Variants in RALGAPA2 observed in about 807,000 individuals in gnomAD.
The protein encoded by RALGAPA2 is Ral GTPase activating protein catalytic subunit alpha 2, also known as ral GTPase-activating protein subunit alpha-2.
Under a neutral mutation model 230.4 loss-of-function variants are expected in RALGAPA2, and 139 were observed. The ratio of observed to expected loss-of-function variants is 0.60; its 90% CI spans 0.53 to 0.69. RALGAPA2 has a LOEUF of 0.69. Among genes scored for constraint, RALGAPA2 ranks in the 30% least tolerant of loss-of-function variants. The pLI is 0.00. For missense variants in RALGAPA2, 2,163 were observed against 2,276.0 expected (o/e 0.95, Z 1.01); for synonymous variants, 847 against 837.8 (o/e 1.01, Z -0.19).
Position 20,689,564 on chromosome 20 carries a change from C to T in RALGAPA2, c.107-8763G>A, listed in dbSNP as rs957479327. ...GGCTGAGGCAGGAGAATCACTTGAA[C>T]CCGGGAGGCGGAGGTTGCAGTGAGC... On this transcript the variant is annotated intron_variant, in intron 1 of 39. Coordinates refer to ENST00000202677, the MANE Select transcript of RALGAPA2 (RefSeq NM_020343.4). Among the ~76,000 whole-genome samples the T allele has an allele frequency of 2.6e-5, 4 of 152,228 alleles. No homozygotes were observed. The South Asian group carries it at 6.2e-4, about 24-fold the overall frequency.
At chr20:20,416,388 G>C (rs2060165667) in intron 37 of RALGAPA2, among the ~76,000 whole-genome samples, 2 of 152,160 alleles carry the variant, frequency 1.3e-5, no homozygotes, top group African/African-American at 2.4e-5. Context: ...CAGGTAATGA[G>C]AGCTCAGAGA....
At chr20:20,572,686 GAAATA>G (rs2064684467) in intron 21 of RALGAPA2, among the ~76,000 whole-genome samples, 184 bp downstream of exon 21, 4 of 152,022 alleles carry the variant, frequency 2.6e-5, no homozygotes, top group Admixed American at 2.6e-4. Flanking sequence ...TGCACTAAAT[GAAATA>G]ACTTTTGCAT....
At chr20:20,530,329 G>A (rs866559777) in intron 27 of RALGAPA2, among the ~76,000 whole-genome samples, 1 of 152,186 alleles carries the variant, frequency 6.6e-6, no homozygotes. Flanking sequence ...GTGATATTTT[G>A]GTTGGATAAT....
intron 38 of RALGAPA2, among the ~76,000 whole-genome samples, chr20:20,410,409 A>G (rs1407369141): frequency 6.6e-6 from 1 of 152,214 alleles, no homozygotes; most frequent in East Asian, 1.9e-4. Flanking sequence ...TAAGAAGTAA[A>G]AAGCTTTCTC....
chr20:20,650,167 A>C (rs1186738407), intron 4 of RALGAPA2, among the ~76,000 whole-genome samples: 1 of 152,178 alleles, frequency 6.6e-6, no homozygotes, highest in Non-Finnish European at 1.5e-5. Context: ...ACGAGTTCAA[A>C]TATGTTTCCT....
intron 30 of RALGAPA2, among the ~76,000 whole-genome samples, chr20:20,524,029 T>C (rs2063121718): frequency 6.6e-6 from 1 of 152,124 alleles, no homozygotes; most frequent in Non-Finnish European, 1.5e-5. Flanking sequence ...AGATCTCGGC[T>C]CACTGCAAAC....
At chr20:20,687,523 C>A (rs1213717164) in intron 1 of RALGAPA2, among the ~76,000 whole-genome samples, 2 of 151,820 alleles carry the variant, frequency 1.3e-5, no homozygotes, top group Non-Finnish European at 2.9e-5. Context: ...CAAGTAGTTG[C>A]TGATCCAAGC....
In RALGAPA2 at chr20:20,619,237, A is replaced by G. The variant is rs372552337; in HGVS notation, c.1539+40T>C. 2.5e-5 allele frequency: 38 copies of G among 1,540,622 alleles called. No homozygotes were observed. In the African/African-American group the frequency reaches 5.0e-4, roughly 20 times the overall value. ...AAAAAGACAAAATGGCTCCAGCTGTAGGCGGTGGAGGGGTCTTCATGTCCT... is the reference window on the plus strand; with the variant it reads ...AAAAAGACAAAATGGCTCCAGCTGTGGGCGGTGGAGGGGTCTTCATGTCCT... On this transcript the variant is annotated intron_variant, in intron 12 of 39. Coordinates refer to ENST00000202677, the MANE Select transcript of RALGAPA2 (RefSeq NM_020343.4).
chr20:20,562,800 G>A (rs1465443518), intron 23 of RALGAPA2, among the ~76,000 whole-genome samples: 5 of 152,022 alleles, frequency 3.3e-5, no homozygotes, highest in African/African-American at 1.2e-4. Flanking sequence ...AGTGGGCTCT[G>A]TCTACAGATT....
chr20:20,571,245 A>T (rs953967365), intron 23 of RALGAPA2, among the ~76,000 whole-genome samples: 3 of 152,232 alleles, frequency 2.0e-5, no homozygotes, highest in Admixed American at 2.0e-4. Context: ...GGTTGGCACA[A>T]TGCAAATGCA....
intron 7 of RALGAPA2, among the ~76,000 whole-genome samples, chr20:20,639,299 T>A (rs752128843): frequency 2.0e-5 from 3 of 152,206 alleles, no homozygotes; most frequent in Non-Finnish European, 4.4e-5. Context: ...TATTCAGAAA[T>A]CTAGACCAGG....
intron 1 of RALGAPA2, among the ~76,000 whole-genome samples, chr20:20,694,835 A>T (rs918429146): frequency 6.6e-6 from 1 of 152,238 alleles, no homozygotes; most frequent in Non-Finnish European, 1.5e-5. Flanking sequence ...CCTGGAAAGC[A>T]CGTTCACCGG....
At chr20:20,467,966 T>C (rs147927999) in intron 37 of RALGAPA2, among the ~76,000 whole-genome samples, 3 of 152,350 alleles carry the variant, frequency 2.0e-5, no homozygotes, top group Non-Finnish European at 4.4e-5. Context: ...CTCTTCTTTT[T>C]GTAAGGTGCT....
intron 16 of RALGAPA2, among the ~76,000 whole-genome samples, chr20:20,601,167 G>C (rs916464581): frequency 2.6e-5 from 4 of 152,152 alleles, no homozygotes; most frequent in African/African-American, 7.2e-5. Context: ...TAGCAAAGTA[G>C]TCCAATTAAC....
intron 27 of RALGAPA2, among the ~76,000 whole-genome samples, chr20:20,530,478 T>C (rs1454533546): frequency 1.3e-5 from 2 of 152,080 alleles, no homozygotes; most frequent in Non-Finnish European, 2.9e-5. Context: ...GAGGGTGTAC[T>C]TGGGGAACAG....
intron 1 of RALGAPA2, among the ~76,000 whole-genome samples, chr20:20,692,318 T>G (rs1438210722): frequency 1.3e-5 from 2 of 152,202 alleles, no homozygotes. Flanking sequence ...ATTCAAAAAT[T>G]TATCATAACT....
At chr20:20,621,104 G>A (rs2146350104) in intron 10 of RALGAPA2, among the ~76,000 whole-genome samples, 1 of 150,208 alleles carries the variant, frequency 6.7e-6, no homozygotes, top group East Asian at 2.0e-4. Flanking sequence ...TCGCACCACT[G>A]CACTCCAGCC....
chr20:20,582,838 T>C (rs1416417633), intron 20 of RALGAPA2, among the ~76,000 whole-genome samples: 1 of 152,162 alleles, frequency 6.6e-6, no homozygotes, highest in African/African-American at 2.4e-5. Context: ...GTTGGAAAAA[T>C]CACTCTTCTT....
At chr20:20,413,907 C>T (rs2060114156) in intron 37 of RALGAPA2, among the ~76,000 whole-genome samples, 1 of 152,242 alleles carries the variant, frequency 6.6e-6, no homozygotes, top group African/African-American at 2.4e-5. Context: ...GCGAGAGGCG[C>T]CTGCTCAGGC....
Sources: gnomAD v4.1 joint callset for allele counts (sites outside exome capture counted in the v4.1 genomes callset) on GRCh38, gnomAD v4.1.1 for gene constraint, MANE v1.5 for transcripts, NCBI Gene and HGNC (gene_info 2026-07-23, HGNC 2026-07-21) for gene names.